PSEN2: variants seen among roughly 807,000 people sequenced by gnomAD.
PSEN2 encodes the protein presenilin-2.
In PSEN2, 32 loss-of-function variants were observed where a neutral mutation model predicts 49.1. The ratio of observed to expected loss-of-function variants is 0.65; its 90% confidence interval spans 0.49 to 0.88. The LOEUF (loss-of-function observed/expected upper bound fraction) is 0.88, where lower values mean the gene tolerates loss of function less well. Ranked by LOEUF, PSEN2 falls within the 40% of genes least tolerant of loss-of-function variation. The pLI is 0.00. For missense variants in PSEN2, 522 were observed against 586.9 expected, an observed-to-expected ratio of 0.89 and a Z score of 1.14; for synonymous variants, 255 against 244.0, an observed-to-expected ratio of 1.05 and a Z score of -0.42.
In PSEN2 at chr1:226,884,029, C is replaced by T. The variant is rs771251550; in HGVS notation, c.356+110C>T. 1.2e-5 allele frequency: 12 copies of T among 961,274 alleles called. No individual in the cohort carries two copies. In the Middle Eastern group the frequency reaches 9.7e-4, roughly 77 times the overall value. The allele number at this position is 961,274 out of a possible 1,614,324, so 59.5% of individuals were successfully genotyped here. ...TGTACCTGCAGCTCCACACCAGCAG[C>T]GGTAAAGAGCAGGGATGAAGAACCG... is the stretch of plus-strand genomic sequence containing the variant. On this transcript the variant is annotated intron_variant, in intron 5 of 12. Coordinates refer to ENST00000366783, the MANE Select transcript of PSEN2 (RefSeq NM_000447.3).
At chr1:226,877,420 C>T (rs1315635568) in intron 3 of PSEN2, among the ~76,000 whole-genome samples, 1 of 152,232 alleles carries the variant, frequency 6.6e-6, no homozygotes, top group African/African-American at 2.4e-5. Flanking sequence ...ATGTTTAGTG[C>T]CGGCTAAGGG....
intron 3 of PSEN2, among the ~76,000 whole-genome samples, chr1:226,876,666 G>C (rs1645684018): frequency 6.6e-6 from 1 of 152,184 alleles, no homozygotes; most frequent in Non-Finnish European, 1.5e-5. Context: ...AGGACATTCA[G>C]ATGATCAGGT....
In PSEN2 at chr1:226,882,009, C is replaced by T; in HGVS notation, c.102C>T (p.Gly34=). The T allele has an allele frequency of 6.2e-7, 1 of 1,614,046 alleles. No homozygotes were observed. The highest frequency in any genetic ancestry group is 1.1e-5 in the South Asian group (1 of 91,076). The change falls in exon 4 of 13, where the codon GGC becomes GGT. Residue 34 remains glycine, a synonymous_variant. Transcript: ENST00000366783. ...ESPTPRSCQE[G]RQGPEDGENT... ...CCACGCCGCGCTCCTGCCAGGAGGG[C>T]AGGCAGGGCCCAGAGGATGGAGAGA...
chr1:226,884,152 G>A (rs1661192416), intron 5 of PSEN2, among the ~76,000 whole-genome samples: 1 of 152,208 alleles, frequency 6.6e-6, no homozygotes, highest in Admixed American at 6.5e-5. Context: ...CGTATAATGG[G>A]TTGATAACGC....
chr1:226,879,151 C>A (rs1026866961), intron 3 of PSEN2, among the ~76,000 whole-genome samples: 1 of 152,192 alleles, frequency 6.6e-6, no homozygotes, highest in Non-Finnish European at 1.5e-5. Context: ...GGATTACAGG[C>A]GTGAGCCGAG....
At chr1:226,877,166 A>G (rs1305329382) in intron 3 of PSEN2, among the ~76,000 whole-genome samples, 1 of 151,414 alleles carries the variant, frequency 6.6e-6, no homozygotes, top group African/African-American at 2.5e-5. Flanking sequence ...TAAAGCAGAG[A>G]CAGTGCCAGG....
chr1:226,889,758 G>T lies in PSEN2; in HGVS notation c.788-277G>T, dbSNP rs1345280194. On this transcript the variant is annotated intron_variant, in intron 8 of 12. Coordinates refer to ENST00000366783, the MANE Select transcript of PSEN2 (RefSeq NM_000447.3). ...CCAGTATTGTTACTTCCATTTTAAGGTTAAAGAATTGGAGGCTCAGAGAAG... is the reference window on the plus strand; with the variant it reads ...CCAGTATTGTTACTTCCATTTTAAGTTTAAAGAATTGGAGGCTCAGAGAAG... Among the ~76,000 whole-genome samples, 3 of 152,212 alleles carry T rather than the reference G, an allele frequency of 2.0e-5. No homozygotes were observed. In the East Asian group the frequency reaches 5.8e-4, roughly 29 times the overall value.
chr1:226,880,515 C>T, intron 3 of PSEN2: 1 of 1,496,442 alleles, frequency 6.7e-7, no homozygotes, highest in Admixed American at 2.0e-5. Flanking sequence ...ATCACTCAGC[C>T]TCTGGACAGC....
downstream of PSEN2, among the ~76,000 whole-genome samples, chr1:226,896,287 G>A (rs1662143798): frequency 6.6e-6 from 1 of 152,190 alleles, no homozygotes; most frequent in Admixed American, 6.5e-5. Context: ...AGGAGAGCAG[G>A]GTGGCCTGAC....
At chr1:226,887,862 C>T (rs1012457961) in intron 6 of PSEN2, among the ~76,000 whole-genome samples, 1 of 152,142 alleles carries the variant, frequency 6.6e-6, no homozygotes, top group African/African-American at 2.4e-5. Context: ...GCTATGCCGG[C>T]AGACCTGAGG....
downstream of PSEN2, chr1:226,898,051 G>C (rs1486681226): frequency 6.6e-6 from 1 of 152,252 alleles, no homozygotes; most frequent in African/African-American, 2.4e-5. Context: ...CTGCCTCCTG[G>C]GTTCAAGCAA....
At chr1:226,871,209 GC>G (rs1420062020) in intron 1 of PSEN2, 52 bp from the exon 2 acceptor site, 1 of 152,264 alleles carries the variant, frequency 6.6e-6, no homozygotes, top group Non-Finnish European at 1.5e-5. Flanking sequence ...AGGGCCGCAG[GC>G]TCAAGCCTAG....
chr1:226,901,993 C>G (rs985506292), intron 12 of PSEN2, among the ~76,000 whole-genome samples: 2 of 152,066 alleles, frequency 1.3e-5, no homozygotes, highest in Non-Finnish European at 2.9e-5. Flanking sequence ...AGAGTTTCTC[C>G]CAGGAGGTAG....
intron 2 of PSEN2, among the ~76,000 whole-genome samples, chr1:226,873,220 A>G (rs1660423441): frequency 6.6e-6 from 1 of 152,062 alleles, no homozygotes; most frequent in Admixed American, 6.6e-5. Context: ...AGGAAAGATC[A>G]GATGTCAGTG....
chr1:226,901,668 G>A (rs1662326079), downstream of PSEN2, among the ~76,000 whole-genome samples: 1 of 152,180 alleles, frequency 6.6e-6, no homozygotes, highest in African/African-American at 2.4e-5. Flanking sequence ...TTGGGCACCT[G>A]TTCATGTGCT....
chr1:226,879,697 C>G (rs1660855987), intron 3 of PSEN2, among the ~76,000 whole-genome samples: 2 of 152,236 alleles, frequency 1.3e-5, no homozygotes, highest in African/African-American at 4.8e-5. Flanking sequence ...TCACATCCCT[C>G]TTACTTCTTG....
chr1:226,880,087 C>T (rs1660879624), intron 3 of PSEN2, among the ~76,000 whole-genome samples: 1 of 152,212 alleles, frequency 6.6e-6, no homozygotes, highest in Non-Finnish European at 1.5e-5. Flanking sequence ...TTAAAAACCA[C>T]ATATAGCTGA....
At position 226,880,344 on chromosome 1, in the gene PSEN2, T is replaced by TC. The variant is rs2102663057; in HGVS notation, c.-20-1542dup. 9.1e-6 allele frequency: 4 copies of TC among 439,164 alleles called. No homozygotes were observed. The South Asian group carries it at 9.9e-5, about 11-fold the overall frequency. 27.2% of individuals were successfully genotyped at this position (439,164 alleles called of 1,614,324 possible). A position where few individuals can be genotyped will look rare whatever the true frequency, so the allele number is the denominator to read the frequency against. ...GTGAGCTATGATTGCACCACTGTAC[T>TC]CCAACGTAAGTGACCAGTGAGACCC... On this transcript the variant is annotated intron_variant, in intron 3 of 12. Transcript: ENST00000366783.
rs951299192 is a variant in PSEN2, at chr1:226,891,665, C to G, written c.971-78C>G. ...TGGAGCTTTGTTCCCTGGTAACACT[C>G]TGACCAGCTGTTGTTTCTCTCTCTT... On this transcript the variant is annotated intron_variant, in intron 10 of 12. Coordinates refer to ENST00000366783, the MANE Select transcript of PSEN2 (RefSeq NM_000447.3). 3.5e-5 allele frequency: 46 copies of G among 1,311,110 alleles called. 1 individual carries two copies. In the African/African-American group the frequency reaches 4.7e-4, roughly 13 times the overall value. 81.2% of individuals were successfully genotyped at this position (1,311,110 alleles called of 1,614,324 possible).
Sources: gnomAD v4.1 joint callset for allele counts (sites outside exome capture counted in the v4.1 genomes callset) on GRCh38, gnomAD v4.1.1 for gene constraint, MANE v1.5 for transcripts, NCBI Gene and HGNC (gene_info 2026-07-23, HGNC 2026-07-21) for gene names.